The following PIK3C3 variants were observed in gnomAD, a reference collection of about 807,000 sequenced individuals.
PIK3C3 encodes the protein PI3-kinase type 3.
A neutral mutation model predicts 126.1 loss-of-function variants in PIK3C3; 95 were observed. That is an observed-to-expected ratio of 0.75 (90% confidence interval 0.64 to 0.89). PIK3C3 has a LOEUF of 0.89. PIK3C3 is among the 40% of genes least tolerant of loss of function. PIK3C3 has a pLI of 0.00. For synonymous variants in PIK3C3, 374 were observed against 360.0 expected, an observed-to-expected ratio of 1.04 and a Z score of -0.44; for missense variants, 829 against 1,063.2, an observed-to-expected ratio of 0.78 and a Z score of 3.06.
chr18:41,989,430 G>C (rs534418255), intron 5 of PIK3C3, among the ~76,000 whole-genome samples: 1 of 152,104 alleles, frequency 6.6e-6, no homozygotes, highest in Non-Finnish European at 1.5e-5. Context: ...CACCCGCTTA[G>C]ACTTCATTGT....
At chr18:41,992,239 A>T (rs1188140632) in intron 6 of PIK3C3, among the ~76,000 whole-genome samples, 3 of 152,202 alleles carry the variant, frequency 2.0e-5, no homozygotes. Flanking sequence ...ATGGAAATAG[A>T]CTTTCTTGTC....
chr18:42,011,305 A>G (rs543414421), intron 10 of PIK3C3, among the ~76,000 whole-genome samples: 49 of 152,220 alleles, frequency 3.2e-4, no homozygotes, highest in Non-Finnish European at 5.9e-4. Flanking sequence ...TTTCATCTGC[A>G]CTGAAACTTT....
chr18:41,980,863 A>T (rs894735409), intron 4 of PIK3C3, among the ~76,000 whole-genome samples: 3 of 152,206 alleles, frequency 2.0e-5, no homozygotes, highest in Non-Finnish European at 4.4e-5. Flanking sequence ...TTGTTACTTT[A>T]CAAATCAAAA....
At chr18:42,007,212 G>A (rs1598889554) in intron 10 of PIK3C3, among the ~76,000 whole-genome samples, 2 of 152,196 alleles carry the variant, frequency 1.3e-5, no homozygotes, top group Non-Finnish European at 1.5e-5. Flanking sequence ...TATAATTATT[G>A]AGCCAAAAGA....
In PIK3C3 at chr18:41,987,914, C is replaced by A. The variant is rs766347509; in HGVS notation, c.618+16C>A. ...GATAAATGAGGTGGGTTATATCACT[C>A]TTTTATTTTAAAATATTTTCTGTAA... is the stretch of plus-strand genomic sequence containing the variant. On this transcript the variant is annotated intron_variant, in intron 5 of 24. Coordinates refer to ENST00000262039, the MANE Select transcript of PIK3C3 (RefSeq NM_002647.4). 1 of 1,376,964 alleles carries A rather than the reference C, an allele frequency of 7.3e-7. No homozygotes were observed. The highest frequency in any genetic ancestry group is 2.4e-5 in the East Asian group (1 of 42,460). 85.3% of individuals were successfully genotyped at this position (1,376,964 alleles called of 1,614,324 possible).
Position 41,962,608 on chromosome 18 carries a change from C to T in PIK3C3, c.377C>T (p.Thr126Met), listed in dbSNP as rs778669649. Residue 126 changes from threonine to methionine, a missense_variant, in exon 3 of 25, where the codon ACG (threonine) becomes ATG (methionine). Around this residue, in one of 4 missense-constraint regions of PIK3C3, gnomAD observed 313 missense variants for 340.7 expected, o/e 0.92. Coordinates refer to ENST00000262039, the MANE Select transcript of PIK3C3 (RefSeq NM_002647.4). ...PGKAVPVGGT[T>M]VSLFGKYGMF... ...AAAGCAGTGCCTGTAGGAGGAACAA[C>T]GGTTTCGCTCTTTGGAAAATACGGG... The T allele has an allele frequency of 5.6e-6, 9 of 1,610,854 alleles. No individual in the cohort carries two copies. The East Asian group carries it at 6.7e-5, about 12-fold the overall frequency.
rs547719017 is a variant in PIK3C3 at position 42,078,323 on chromosome 18, GC to G, written c.2650-2798del. Among the ~76,000 whole-genome samples the G allele has an allele frequency of 4.3e-3, 636 of 147,262 alleles. 6 individuals carry two copies. The highest frequency in any genetic ancestry group is 6.7e-3 in the South Asian group (31 of 4,622). On this transcript the variant is annotated intron_variant, in intron 24 of 24. Transcript: ENST00000262039. ...ACCCGGGAAGCGGAGCTTGCAGTGA[GC>G]CGAGATTGCGCCACTGCAGTCCGCA...
At chr18:41,988,995 C>T (rs959659155) in intron 5 of PIK3C3, among the ~76,000 whole-genome samples, 1 of 152,118 alleles carries the variant, frequency 6.6e-6, no homozygotes. Flanking sequence ...ACCATTACCA[C>T]CGCATTACTA....
chr18:42,051,524 A>G (rs1257878311), intron 21 of PIK3C3, among the ~76,000 whole-genome samples: 3 of 152,206 alleles, frequency 2.0e-5, no homozygotes, highest in Non-Finnish European at 4.4e-5. Flanking sequence ...TCATATATTC[A>G]GTTTTTAATT....
intron 22 of PIK3C3, 72 bp downstream of exon 22, chr18:42,058,123 A>C: frequency 1.3e-5 from 17 of 1,272,028 alleles, no homozygotes; most frequent in Non-Finnish European, 1.8e-5. Context: ...GAATTTGTTT[A>C]AATGTATGCA....
At chr18:41,990,581 C>A in intron 6 of PIK3C3, 27 bp downstream of exon 6, 1 of 1,232,194 alleles carries the variant, frequency 8.1e-7, no homozygotes, top group Non-Finnish European at 1.2e-6. Flanking sequence ...TGTTTTTGGT[C>A]TCTAAAGTAG....
At chr18:41,996,946 T>G (rs897963773) in intron 9 of PIK3C3, among the ~76,000 whole-genome samples, 1 of 152,026 alleles carries the variant, frequency 6.6e-6, no homozygotes, top group African/African-American at 2.4e-5. Context: ...TCTGAATGGG[T>G]TTTGAAGTCA....
In PIK3C3 at chr18:41,970,451, G is replaced by A; in HGVS notation, c.526G>A (p.Ala176Thr). The change falls in exon 4 of 25, where the codon GCC (alanine) becomes ACC (threonine). Residue 176 changes from alanine to threonine, a missense_variant. Physicochemically the swap from Ala to Thr is moderately conservative, Grantham distance 58. Coordinates refer to ENST00000262039, the MANE Select transcript of PIK3C3 (RefSeq NM_002647.4). Reference protein sequence around the residue: ...TLSEDQMSRLAKLTKAHRQGH... With the variant: ...TLSEDQMSRLTKLTKAHRQGH... The stretch of plus-strand genomic sequence containing the variant: ...CTCAGAAGATCAGATGAGCCGTCTT[G>A]CCAAGGTAAAAAAAGTCATTTGGAA... 6.2e-7 allele frequency: 1 copy of A among 1,613,742 alleles called. No homozygotes were observed. Among genetic ancestry groups the A allele is most frequent in the Non-Finnish European group, 8.5e-7 (1 of 1,179,934 alleles).
intron 4 of PIK3C3, among the ~76,000 whole-genome samples, chr18:41,972,577 A>G (rs1016500666): frequency 2.6e-5 from 4 of 152,054 alleles, no homozygotes; most frequent in Non-Finnish European, 5.9e-5. Context: ...CCCTAATAGA[A>G]TTGTACTTTT....
At chr18:42,067,328 G>A (rs1336705712) in intron 23 of PIK3C3, 60 bp from the exon 24 acceptor site, 2 of 1,503,690 alleles carry the variant, frequency 1.3e-6, no homozygotes, top group Non-Finnish European at 1.8e-6. Context: ...GTTTGATTCT[G>A]CCTGTTCAAA....
chr18:42,043,544 A>G (rs1041880337), intron 19 of PIK3C3, among the ~76,000 whole-genome samples, 189 bp from the exon 20 acceptor site: 8 of 152,156 alleles, frequency 5.3e-5, no homozygotes, highest in African/African-American at 1.7e-4. Flanking sequence ...CATTAAACAC[A>G]GTTTCCCCTA....
At chr18:42,038,653 T>C in intron 17 of PIK3C3, 128 bp from the exon 18 acceptor site, 1 of 633,164 alleles carries the variant, frequency 1.6e-6, no homozygotes, top group Non-Finnish European at 2.8e-6. Context: ...CTAAGTTAAC[T>C]AATTTAAACT....
At position 42,037,586 on chromosome 18, in the gene PIK3C3, A is replaced by G. The variant is rs148839977; in HGVS notation, c.1840-106A>G. ...AAACCCAACTTGTTTTTTAGGTCCT[A>G]TTTACCTGTGTATTTATCTTATATA... On this transcript the variant is annotated intron_variant, in intron 16 of 24. Transcript: ENST00000262039. 170 of 1,013,684 alleles carry G rather than the reference A, an allele frequency of 1.7e-4. 1 individual carries two copies. The East Asian group carries it at 3.9e-3, about 23-fold the overall frequency. 62.8% of individuals were successfully genotyped at this position (1,013,684 alleles called of 1,614,324 possible).
chr18:42,043,584 T>G (rs540389685), intron 19 of PIK3C3, 149 bp from the exon 20 acceptor site: 4 of 521,314 alleles, frequency 7.7e-6, no homozygotes, highest in Middle Eastern at 5.2e-4. Flanking sequence ...TATCGCACTC[T>G]TACAATTCTT....
Sources: allele counts gnomAD v4.1 joint callset (sites outside exome capture counted in the v4.1 genomes callset), GRCh38; gene constraint gnomAD v4.1.1; regional missense constraint gnomAD v4.1.1; transcripts MANE v1.5; gene names NCBI Gene and HGNC (gene_info 2026-07-23, HGNC 2026-07-21).